Variants in GGCT observed in about 807,000 individuals in gnomAD.
GGCT encodes gamma-glutamylcyclotransferase.
A neutral mutation model predicts 22.1 loss-of-function variants in GGCT; 20 were observed. The observed-to-expected ratio is 0.91, with a 90% confidence interval of 0.64 to 1.32. The LOEUF (loss-of-function observed/expected upper bound fraction) is 1.32, where lower values mean the gene tolerates loss of function less well. Among genes scored for constraint, GGCT ranks in the 40% most tolerant of loss-of-function variants. GGCT has a pLI of 0.00. For synonymous variants in GGCT, 72 were observed against 78.4 expected, an observed-to-expected ratio of 0.92 and a Z score of 0.43; for missense variants, 209 against 223.5, an observed-to-expected ratio of 0.94 and a Z score of 0.41.
At position 30,504,793 on chromosome 7, in the gene GGCT, C is replaced by G. The variant is rs897608235; in HGVS notation, c.-84G>C. 3.6e-5 allele frequency: 50 copies of G among 1,374,192 alleles called. No individual in the cohort carries two copies. Among genetic ancestry groups the G allele is most frequent in the Admixed American group, 1.2e-4 (7 of 56,568 alleles). The allele number at this position is 1,374,192 out of a possible 1,614,324, so 85.1% of individuals were successfully genotyped here. Reference sequence around the variant, plus strand: ...GCAACACTGGGGCCCACTACCCCGGCGCAGTGACCGCCGCGCGGCAGCCTC... The same window carrying G: ...GCAACACTGGGGCCCACTACCCCGGGGCAGTGACCGCCGCGCGGCAGCCTC... On this transcript the variant is annotated 5_prime_UTR_variant, in exon 1 of 4. Transcript: ENST00000275428.
At chr7:30,498,070 TAGAA>T (rs1789600725) in intron 3 of GGCT, among the ~76,000 whole-genome samples, 1 of 146,880 alleles carries the variant, frequency 6.8e-6, no homozygotes, top group African/African-American at 2.5e-5. Context: ...TATATATATA[TAGAA>T]AGAGAAAGAG....
chr7:30,499,989 A>T (rs557514722), intron 2 of GGCT, among the ~76,000 whole-genome samples: 6 of 152,212 alleles, frequency 3.9e-5, no homozygotes, highest in Non-Finnish European at 8.8e-5. Flanking sequence ...CGAGCATGTC[A>T]GATAACCCTC....
chr7:30,504,600 G>C lies in GGCT; in HGVS notation c.110C>G (p.Ser37Trp), dbSNP rs751570484. ...GCGGGCCACACAGAAGAACGCCGCCGAGGGGTTTCGGAGGTGGATCCTCTC... is the reference window on the plus strand; with the variant it reads ...GCGGGCCACACAGAAGAACGCCGCCCAGGGGTTTCGGAGGTGGATCCTCTC... ...LTERIHLRNPSAAFFCVARLQ... is the reference protein window; with the variant it reads ...LTERIHLRNPWAAFFCVARLQ... Residue 37 changes from serine to tryptophan, a missense_variant, in exon 1 of 4, where the codon TCG becomes TGG. Ser to Trp is a radical substitution (Grantham distance 177, BLOSUM62 -3). Transcript: ENST00000275428. 2 of 1,614,034 alleles carry C rather than the reference G, an allele frequency of 1.2e-6. No individual in the cohort carries two copies. Among genetic ancestry groups the C allele is most frequent in the Admixed American group, 3.3e-5 (2 of 60,036 alleles).
chr7:30,504,456 T>A, intron 1 of GGCT, 113 bp downstream of exon 1: 4 of 1,253,194 alleles, frequency 3.2e-6, no homozygotes, highest in Non-Finnish European at 4.5e-6. Context: ...CGCGTCCTAG[T>A]ACCCTCATCA....
At position 30,504,742 on chromosome 7, in the gene GGCT, CAG is replaced by C. The variant is rs1360401761; in HGVS notation, c.-35_-34del. ...TACGCCCCTGCACTGGAGCCTGAAGCAGAGTGTAAGGAACGGCCAGAGAGCGC... is the reference window on the plus strand; with the variant it reads ...TACGCCCCTGCACTGGAGCCTGAAGCAGTGTAAGGAACGGCCAGAGAGCGC... On this transcript the variant is annotated 5_prime_UTR_variant, in exon 1 of 4. Coordinates refer to ENST00000275428, the MANE Select transcript of GGCT (RefSeq NM_024051.4). 6.2e-7 allele frequency: 1 copy of C among 1,611,608 alleles called. No homozygotes were observed. The highest frequency in any genetic ancestry group is 1.3e-5 in the African/African-American group (1 of 74,890).
intron 1 of GGCT, among the ~76,000 whole-genome samples, chr7:30,501,228 G>C (rs573965446): frequency 7.2e-5 from 11 of 152,212 alleles, no homozygotes; most frequent in African/African-American, 1.9e-4. Context: ...ATAATCATAA[G>C]AGCACCTAAC....
Position 30,499,529 on chromosome 7 carries a change from C to A in GGCT, c.288-591G>T, listed in dbSNP as rs148346003. Among the ~76,000 whole-genome samples, 1,161 of 139,784 alleles carry A rather than the reference C, an allele frequency of 8.3e-3. 16 individuals carry two copies. Among genetic ancestry groups the A allele is most frequent in the African/African-American group, 0.031 (1,113 of 35,354 alleles). The allele number at this position is 139,784 out of a possible 152,430, so 91.7% of individuals were successfully genotyped here. On this transcript the variant is annotated intron_variant, in intron 2 of 3. Coordinates refer to ENST00000275428, the MANE Select transcript of GGCT (RefSeq NM_024051.4). Reference sequence around the variant, plus strand: ...GGCCAGCCTGACCAACATGGAGAAACCTTGTCTCTACTAAAAAAAAAACAC... The same window carrying A: ...GGCCAGCCTGACCAACATGGAGAAAACTTGTCTCTACTAAAAAAAAAACAC...
intron 3 of GGCT, chr7:30,497,849 G>A (rs746009360): frequency 2.8e-6 from 4 of 1,449,866 alleles, no homozygotes; most frequent in Non-Finnish European, 3.7e-6. Flanking sequence ...GTGCTTGCAA[G>A]GGTGATTTCC....
chr7:30,499,174 G>A (rs1789634986), intron 2 of GGCT: 6 of 474,254 alleles, frequency 1.3e-5, no homozygotes, highest in South Asian at 1.2e-4. Flanking sequence ...CACTTTGGGA[G>A]GCTGAGGTGG....
chr7:30,499,111 A>G, intron 2 of GGCT, 173 bp from the exon 3 acceptor site: 3 of 692,374 alleles, frequency 4.3e-6, no homozygotes, highest in Non-Finnish European at 7.7e-6. Context: ...TACCACATCA[A>G]AAGTAAGCTT....
chr7:30,500,514 C>T lies in GGCT; in HGVS notation c.287+22G>A, dbSNP rs574188289. On this transcript the variant is annotated intron_variant, in intron 2 of 3. Transcript: ENST00000275428. The stretch of plus-strand genomic sequence containing the variant: ...GCTTTCTGAATTAATTACTGTTTAA[C>T]TTATAATTAGAAGCCACCTACTCAT... 119 of 1,593,740 alleles carry T rather than the reference C, an allele frequency of 7.5e-5. 1 individual carries two copies. In the South Asian group the frequency reaches 1.3e-3, roughly 17 times the overall value.
At position 30,497,133 on chromosome 7, in the gene GGCT, T is replaced by C. The variant is rs780374602; in HGVS notation, c.526A>G (p.Ile176Val). ...TCCCCCTTTTTGATGATGTCTTCAATTTCTTCTGAGACCTTTCCTGTATAG... is the reference window on the plus strand; with the variant it reads ...TCCCCCTTTTTGATGATGTCTTCAACTTCTTCTGAGACCTTTCCTGTATAG... Reference protein sequence around the residue: ...NDYTGKVSEEIEDIIKKGETQ... With the variant: ...NDYTGKVSEEVEDIIKKGETQ... Residue 176 changes from isoleucine (I) to valine (V), a missense_variant, in exon 4 of 4, where the codon ATT (isoleucine) becomes GTT (valine). Transcript: ENST00000275428. The C allele has an allele frequency of 3.1e-6, 5 of 1,608,268 alleles. No homozygotes were observed. In the East Asian group the frequency reaches 1.1e-4, roughly 36 times the overall value.
rs760357690 is a variant in GGCT, at chr7:30,498,834, T to C, written c.392A>G (p.Glu131Gly). Residue 131 changes from glutamate to glycine, a missense_variant, in exon 3 of 4, where the codon GAA becomes GGA. Physicochemically the swap from Glu to Gly is moderately conservative, Grantham distance 98. Coordinates refer to ENST00000275428, the MANE Select transcript of GGCT (RefSeq NM_024051.4). ...ATACTGTGGGGATGGGGGAGCACTT[T>C]CGTAATTTGTCATCAGATAACTTCG... ...TCRSYLMTNY[E>G]SAPPSPQYKK... is the part of the protein sequence containing the mutation. The C allele has an allele frequency of 1.9e-6, 3 of 1,613,500 alleles. No homozygotes were observed. The highest frequency in any genetic ancestry group is 1.3e-5 in the African/African-American group (1 of 74,932).
intron 3 of GGCT, chr7:30,497,461 A>G (rs1312056971): frequency 5.2e-6 from 2 of 384,576 alleles, no homozygotes; most frequent in Non-Finnish European, 4.6e-6. Flanking sequence ...TGGAATATCA[A>G]CTTTCTCAAT....
At chr7:30,498,965 C>A in intron 2 of GGCT, 27 bp from the exon 3 acceptor site, 1 of 1,612,378 alleles carries the variant, frequency 6.2e-7, no homozygotes, top group South Asian at 1.1e-5. Context: ...CAAATTTTAA[C>A]CACATTTGAC....
At chr7:30,504,526 G>A in intron 1 of GGCT, 43 bp downstream of exon 1, 1 of 1,608,798 alleles carries the variant, frequency 6.2e-7, no homozygotes, top group Non-Finnish European at 8.5e-7. Context: ...CGCCTTCTGG[G>A]CATCCCGGCC....
chr7:30,498,076 GAGAA>G (rs1215910438), intron 3 of GGCT, among the ~76,000 whole-genome samples: 3 of 144,382 alleles, frequency 2.1e-5, no homozygotes, highest in Admixed American at 7.0e-5. Flanking sequence ...TATATAGAAA[GAGAA>G]AGAGAGAGAG....
At position 30,504,790 on chromosome 7, in the gene GGCT, C is replaced by G; in HGVS notation, c.-81G>C. ...AGCGCAACACTGGGGCCCACTACCC[C>G]GGCGCAGTGACCGCCGCGCGGCAGC... On this transcript the variant is annotated 5_prime_UTR_variant, in exon 1 of 4. Coordinates refer to ENST00000275428, the MANE Select transcript of GGCT (RefSeq NM_024051.4). The G allele has an allele frequency of 1.4e-6, 2 of 1,425,362 alleles. No individual in the cohort carries two copies. Among genetic ancestry groups the G allele is most frequent in the Non-Finnish European group, 2.0e-6 (2 of 1,019,002 alleles). The allele number at this position is 1,425,362 out of a possible 1,614,324, so 88.3% of individuals were successfully genotyped here.
rs150961761 is a variant in GGCT, at chr7:30,497,338, T to C, written c.424-103A>G. ...ATTTGCCTTCTCAAAGTATGAAGTA[T>C]TAGCTTTCAGATAACTCTAGAATAA... On this transcript the variant is annotated intron_variant, in intron 3 of 3. Coordinates refer to ENST00000275428, the MANE Select transcript of GGCT (RefSeq NM_024051.4). 149 of 766,526 alleles carry C rather than the reference T, an allele frequency of 1.9e-4. No individual in the cohort carries two copies. The African/African-American group carries it at 2.2e-3, about 11-fold the overall frequency. The allele number at this position is 766,526 out of a possible 1,614,324, so 47.5% of individuals were successfully genotyped here.
Sources: allele counts gnomAD v4.1 joint callset (sites outside exome capture counted in the v4.1 genomes callset), GRCh38; gene constraint gnomAD v4.1.1; transcripts MANE v1.5; gene names NCBI Gene and HGNC (gene_info 2026-07-23, HGNC 2026-07-21).